Variants in TRIM44 observed in about 807,000 individuals in gnomAD.
The protein encoded by TRIM44 is tripartite motif containing 44.
TRIM44 carries 13 observed loss-of-function variants against 37.4 expected under a neutral mutation model. That is an observed-to-expected ratio of 0.35 (90% CI 0.23 to 0.55). TRIM44 has a LOEUF of 0.55. Ranked by LOEUF, TRIM44 falls within the 20% of genes least tolerant of loss-of-function variation. The probability of loss-of-function intolerance (pLI) is 0.89; values close to 1 mark genes in which losing one functional copy is unlikely to be tolerated. For synonymous variants in TRIM44, 175 were observed against 157.2 expected, an observed-to-expected ratio of 1.11 and a Z score of -0.85; for missense variants, 426 against 437.2, an observed-to-expected ratio of 0.97 and a Z score of 0.23.
At chr11:35,665,016 T>G (rs1851315837) in intron 1 of TRIM44, among the ~76,000 whole-genome samples, 1 of 152,262 alleles carries the variant, frequency 6.6e-6, no homozygotes, top group Non-Finnish European at 1.5e-5. Context: ...CTTCATTTTC[T>G]CAACATTGTG....
At chr11:35,780,106 T>C (rs1853043141) in intron 4 of TRIM44, among the ~76,000 whole-genome samples, 1 of 152,132 alleles carries the variant, frequency 6.6e-6, no homozygotes, top group African/African-American at 2.4e-5. Context: ...TTTGGTTATA[T>C]ACTAATTTTA....
chr11:35,731,233 T>A (rs2078149617), intron 3 of TRIM44, among the ~76,000 whole-genome samples: 1 of 152,192 alleles, frequency 6.6e-6, no homozygotes, highest in African/African-American at 2.4e-5. Context: ...GTAGATGCCT[T>A]TTATCAGATT....
chr11:35,775,152 T>C (rs185973816), intron 4 of TRIM44, among the ~76,000 whole-genome samples: 61 of 152,332 alleles, frequency 4.0e-4, no homozygotes, highest in African/African-American at 1.4e-3. Context: ...CATTGAGCAG[T>C]GGTTTGTAGT....
At chr11:35,688,923 C>T (rs896027277) in intron 2 of TRIM44, among the ~76,000 whole-genome samples, 5 of 151,958 alleles carry the variant, frequency 3.3e-5, no homozygotes, top group African/African-American at 1.2e-4. Flanking sequence ...GATTTTTTTT[C>T]ACTTCTTTGA....
rs1052205298 is a variant in TRIM44 at position 35,817,724 on chromosome 11, A to C, written c.*11339A>C. 1.3e-4 allele frequency: 20 copies of C among 152,274 alleles called. No homozygotes were observed. Among genetic ancestry groups the C allele is most frequent in the African/African-American group, 4.1e-4 (17 of 41,562 alleles). 9.4% of individuals were successfully genotyped at this position (152,274 alleles called of 1,614,324 possible). ...TGTAATCCCCAATGCTGGAGGTGGGACCTGGTGGGAAGATTGGATCATGGG... is the reference window on the plus strand; with the variant it reads ...TGTAATCCCCAATGCTGGAGGTGGGCCCTGGTGGGAAGATTGGATCATGGG... On this transcript the variant is annotated 3_prime_UTR_variant, in exon 5 of 5. Transcript: ENST00000299413.
At chr11:35,716,035 G>T (rs1590536636) in intron 2 of TRIM44, among the ~76,000 whole-genome samples, 1 of 152,040 alleles carries the variant, frequency 6.6e-6, no homozygotes, top group Non-Finnish European at 1.5e-5. Flanking sequence ...ATTTGGGTGG[G>T]GACACAGATC....
rs1320705613 is a variant in TRIM44 at position 35,707,514 on chromosome 11, A to G, written c.748-18410A>G. 3.3e-5 allele frequency among the ~76,000 whole-genome samples: 5 copies of G among 152,236 alleles called. No homozygotes were observed. In the South Asian group the frequency reaches 1.0e-3, roughly 32 times the overall value. ...GTCATGCTACCTGACTTCAAACTAT[A>G]CTACAAGGCTACAGTAACCAAAACA... is the stretch of plus-strand genomic sequence containing the variant. On this transcript the variant is annotated intron_variant, in intron 2 of 4. Transcript: ENST00000299413.
chr11:35,806,583 G>A lies in TRIM44; in HGVS notation c.*198G>A. 1.7e-6 allele frequency: 1 copy of A among 581,088 alleles called. No individual in the cohort carries two copies. The highest frequency in any genetic ancestry group is 3.1e-6 in the Non-Finnish European group (1 of 327,042). 36.0% of individuals were successfully genotyped at this position (581,088 alleles called of 1,614,324 possible). ...GCTTACTGTGTGCTTCTCATCCCCTGGTTGTGGTAGGTCAAGGAAAAGAGC... is the reference window on the plus strand; with the variant it reads ...GCTTACTGTGTGCTTCTCATCCCCTAGTTGTGGTAGGTCAAGGAAAAGAGC... On this transcript the variant is annotated 3_prime_UTR_variant, in exon 5 of 5. Coordinates refer to ENST00000299413, the MANE Select transcript of TRIM44 (RefSeq NM_017583.6).
At chr11:35,804,374 G>T (rs1853419699) in intron 4 of TRIM44, among the ~76,000 whole-genome samples, 2 of 152,308 alleles carry the variant, frequency 1.3e-5, no homozygotes, top group South Asian at 2.1e-4. Context: ...CAAGAGAGTT[G>T]TTGACTTCTT....
intron 3 of TRIM44, among the ~76,000 whole-genome samples, chr11:35,728,018 T>C (rs941596409): frequency 3.3e-5 from 5 of 152,196 alleles, no homozygotes; most frequent in Non-Finnish European, 5.9e-5. Context: ...ATTAGGTTGT[T>C]CTTTGAAAAA....
chr11:35,666,709 T>G (rs1851335776), intron 1 of TRIM44, among the ~76,000 whole-genome samples: 1 of 152,178 alleles, frequency 6.6e-6, no homozygotes, highest in African/African-American at 2.4e-5. Context: ...CAGTGAGTTA[T>G]GATCCTGCCA....
chr11:35,724,331 T>TG (rs1852142803), intron 2 of TRIM44: 1 of 152,250 alleles, frequency 6.6e-6, no homozygotes, highest in Non-Finnish European at 1.5e-5. Context: ...AGCACCAGAC[T>TG]GAGAACAAGA....
intron 4 of TRIM44, among the ~76,000 whole-genome samples, chr11:35,785,127 G>C (rs545039265): frequency 8.5e-5 from 13 of 152,210 alleles, no homozygotes; most frequent in Non-Finnish European, 1.6e-4. Flanking sequence ...CAAGTATACT[G>C]CTTGAGGGGA....
chr11:35,689,499 T>C (rs1378642402), intron 2 of TRIM44, among the ~76,000 whole-genome samples: 1 of 152,210 alleles, frequency 6.6e-6, no homozygotes, highest in African/African-American at 2.4e-5. Context: ...TGTGTTTGAC[T>C]TGGTTTAGTT....
intron 1 of TRIM44, among the ~76,000 whole-genome samples, chr11:35,680,002 A>G (rs554106530): frequency 6.6e-6 from 1 of 152,324 alleles, no homozygotes; most frequent in Non-Finnish European, 1.5e-5. Flanking sequence ...TGAGGATGTG[A>G]GAAAAGCTAA....
rs901080840 is a variant in TRIM44 at position 35,815,202 on chromosome 11, G to A, written c.*8817G>A. On this transcript the variant is annotated 3_prime_UTR_variant, in exon 5 of 5. Transcript: ENST00000299413. ...CATTTGAGTCCAAGTATGGTTCTCTGGCTTGAGGGTGGCCATTTGTTGCCT... is the reference window on the plus strand; with the variant it reads ...CATTTGAGTCCAAGTATGGTTCTCTAGCTTGAGGGTGGCCATTTGTTGCCT... 1 of 152,154 alleles carries A rather than the reference G, an allele frequency of 6.6e-6. No individual in the cohort carries two copies. The highest frequency in any genetic ancestry group is 1.5e-5 in the Non-Finnish European group (1 of 68,026). The allele number at this position is 152,154 out of a possible 1,614,324, so 9.4% of individuals were successfully genotyped here. A position where few individuals can be genotyped will look rare whatever the true frequency, so the allele number is the denominator to read the frequency against.
At chr11:35,774,409 T>G (rs550313694) in intron 4 of TRIM44, among the ~76,000 whole-genome samples, 2 of 152,332 alleles carry the variant, frequency 1.3e-5, no homozygotes, top group African/African-American at 4.8e-5. Flanking sequence ...TTTCTCCCAT[T>G]CTGTAGGTTG....
intron 1 of TRIM44, among the ~76,000 whole-genome samples, chr11:35,675,832 C>G (rs980665554): frequency 6.6e-6 from 1 of 151,968 alleles, no homozygotes; most frequent in South Asian, 2.1e-4. Flanking sequence ...GCACACTGCT[C>G]TATTTTAAAG....
At chr11:35,754,963 A>T (rs561585411) in intron 4 of TRIM44, among the ~76,000 whole-genome samples, 3 of 152,216 alleles carry the variant, frequency 2.0e-5, no homozygotes, top group Non-Finnish European at 4.4e-5. Flanking sequence ...TGCAATAAAC[A>T]TACATGTGCA....
Sources: gnomAD v4.1 joint callset for allele counts (sites outside exome capture counted in the v4.1 genomes callset) on GRCh38, gnomAD v4.1.1 for gene constraint, MANE v1.5 for transcripts, NCBI Gene and HGNC (gene_info 2026-07-23, HGNC 2026-07-21) for gene names.